Variants in AK5 observed in about 807,000 individuals in gnomAD.
AK5 encodes adenylate kinase isoenzyme 5.
A neutral mutation model predicts 69.5 loss-of-function variants in AK5; 27 were observed. The ratio of observed to expected loss-of-function variants is 0.39; its 90% CI spans 0.29 to 0.54. The LOEUF (loss-of-function observed/expected upper bound fraction) is 0.54, where lower values mean the gene tolerates loss of function less well. Among genes scored for constraint, AK5 ranks in the 20% least tolerant of loss-of-function variants. The pLI is 0.71. For synonymous variants in AK5, 260 were observed against 244.4 expected (o/e 1.06, Z -0.60); for missense variants, 531 against 700.4 (o/e 0.76, Z 2.73).
chr1:77,351,188 A>G (rs4033040), intron 6 of AK5, among the ~76,000 whole-genome samples: 22,017 of 152,156 alleles, frequency 0.14, 1,775 homozygotes, highest in Middle Eastern at 0.23. Flanking sequence ...GAGGCCAGGA[A>G]TTGAAGACCA....
At chr1:77,402,102 G>C (rs1025229485) in intron 6 of AK5, among the ~76,000 whole-genome samples, 55 of 152,122 alleles carry the variant, frequency 3.6e-4, no homozygotes, top group Non-Finnish European at 5.6e-4. Flanking sequence ...AGCAACTTTA[G>C]ACATCATCTG....
chr1:77,398,226 T>C (rs1238989737), intron 6 of AK5, among the ~76,000 whole-genome samples: 2 of 152,182 alleles, frequency 1.3e-5, no homozygotes, highest in African/African-American at 4.8e-5. Flanking sequence ...AGCCTGATCT[T>C]CCCAGGGCCT....
chr1:77,546,305 G>C (rs1282039769), intron 13 of AK5, among the ~76,000 whole-genome samples: 2 of 152,068 alleles, frequency 1.3e-5, no homozygotes, highest in Non-Finnish European at 2.9e-5. Flanking sequence ...ACCCCTCCCA[G>C]AGTCACTGAC....
Position 77,337,930 on chromosome 1 carries a change from T to C in AK5, c.700-2447T>C, listed in dbSNP as rs532672639. ...TGTGCTTACACAGTGGCAATGAGAA[T>C]TGAAGACGAGACATCTGAACAATGT... On this transcript the variant is annotated intron_variant, in intron 5 of 13. Transcript: ENST00000354567. Among the ~76,000 whole-genome samples, 13 of 152,224 alleles carry C rather than the reference T, an allele frequency of 8.5e-5. No homozygotes were observed. In the Middle Eastern group the frequency reaches 0.014, roughly 160 times the overall value.
intron 8 of AK5, among the ~76,000 whole-genome samples, chr1:77,458,122 A>G (rs952488933): frequency 2.8e-5 from 4 of 144,064 alleles, no homozygotes; most frequent in Admixed American, 6.9e-5. Context: ...AAAAAAAAAA[A>G]GGGCAAAACA....
chr1:77,543,240 C>G (rs1425098717), intron 13 of AK5, among the ~76,000 whole-genome samples: 1 of 152,168 alleles, frequency 6.6e-6, no homozygotes, highest in African/African-American at 2.4e-5. Flanking sequence ...CGCTTGGTTG[C>G]AAAATCTACT....
chr1:77,344,994 CAAA>C (rs11290615), intron 6 of AK5, among the ~76,000 whole-genome samples: 1 of 140,108 alleles, frequency 7.1e-6, no homozygotes. Context: ...TTAAATTGTG[CAAA>C]AAAAAAAAAA....
intron 7 of AK5, among the ~76,000 whole-genome samples, chr1:77,416,656 C>G (rs1650448486): frequency 6.6e-6 from 1 of 152,052 alleles, no homozygotes; most frequent in Non-Finnish European, 1.5e-5. Flanking sequence ...TAAGGACATA[C>G]CCCGACTCAT....
chr1:77,515,369 C>T (rs1012361403), intron 10 of AK5, among the ~76,000 whole-genome samples: 2 of 152,028 alleles, frequency 1.3e-5, no homozygotes, highest in Admixed American at 6.5e-5. Context: ...GCCAACCGCA[C>T]AAAGAAAGGA....
rs1553155235 is a variant in AK5 at position 77,476,907 on chromosome 1, T to TA, written c.1060-6398dup. 8.5e-3 allele frequency among the ~76,000 whole-genome samples: 1,256 copies of TA among 148,030 alleles called. 14 individuals carry two copies. Among genetic ancestry groups the TA allele is most frequent in the African/African-American group, 0.02 (821 of 40,332 alleles). ...TGTGTGAGGTGTTTTGCTGTTTTTT[T>TA]AAAAAAAAAAAACAGGTATAAGGAA... On this transcript the variant is annotated intron_variant, in intron 8 of 13. Coordinates refer to ENST00000354567, the MANE Select transcript of AK5 (RefSeq NM_174858.3).
At chr1:77,451,051 C>T (rs1409848886) in intron 8 of AK5, among the ~76,000 whole-genome samples, 1 of 151,872 alleles carries the variant, frequency 6.6e-6, no homozygotes, top group Non-Finnish European at 1.5e-5. Context: ...TGGTATGTGC[C>T]TGTAGCCCTA....
At chr1:77,422,774 T>A (rs777301109) in intron 8 of AK5, among the ~76,000 whole-genome samples, 1 of 152,232 alleles carries the variant, frequency 6.6e-6, no homozygotes, top group African/African-American at 2.4e-5. Context: ...GCCTGGCATA[T>A]GGCATATGCT....
intron 8 of AK5, among the ~76,000 whole-genome samples, chr1:77,443,694 T>C (rs999282016): frequency 3.5e-4 from 53 of 150,874 alleles, no homozygotes; most frequent in African/African-American, 1.2e-3. Context: ...TGTGTGTGTG[T>C]GTGTGTGTGT....
chr1:77,536,232 G>A (rs897897432), intron 13 of AK5, among the ~76,000 whole-genome samples, 194 bp downstream of exon 13: 5 of 152,176 alleles, frequency 3.3e-5, no homozygotes, highest in East Asian at 1.9e-4. Flanking sequence ...AAGTCAAGGC[G>A]GGTGTATTGC....
intron 8 of AK5, among the ~76,000 whole-genome samples, chr1:77,451,151 A>G (rs1202307681): frequency 1.3e-5 from 2 of 152,148 alleles, no homozygotes; most frequent in Admixed American, 6.6e-5. Context: ...ACTACAGCCT[A>G]GGCAACAGAG....
chr1:77,314,003 G>A (rs1660105806), intron 5 of AK5: 2 of 412,002 alleles, frequency 4.9e-6, no homozygotes, highest in Non-Finnish European at 9.7e-6. Context: ...AGGGGAAGAG[G>A]GGGAGAAATA....
chr1:77,347,888 G>A (rs76855056), intron 6 of AK5, among the ~76,000 whole-genome samples: 2,896 of 152,100 alleles, frequency 0.019, 30 homozygotes, highest in Non-Finnish European at 0.032. Flanking sequence ...ACTTCCAGTC[G>A]TCTTCACACC....
At chr1:77,480,345 T>C (rs1053338331) in intron 8 of AK5, among the ~76,000 whole-genome samples, 1 of 152,170 alleles carries the variant, frequency 6.6e-6, no homozygotes, top group Non-Finnish European at 1.5e-5. Flanking sequence ...TATTGATGAA[T>C]TAATGAAAAT....
At chr1:77,300,287 A>G (rs143079679) in intron 5 of AK5, among the ~76,000 whole-genome samples, 239 of 152,308 alleles carry the variant, frequency 1.6e-3, no homozygotes, top group African/African-American at 5.6e-3. Flanking sequence ...TGTTATCTCT[A>G]TGTAGAATGA....
Sources: allele counts gnomAD v4.1 joint callset (sites outside exome capture counted in the v4.1 genomes callset), GRCh38; gene constraint gnomAD v4.1.1; transcripts MANE v1.5; gene names NCBI Gene and HGNC (gene_info 2026-07-23, HGNC 2026-07-21).